Variants in CHID1 observed in about 807,000 individuals in gnomAD.
CHID1 encodes chitinase domain-containing protein 1.
Under a neutral mutation model 55.4 loss-of-function variants are expected in CHID1, and 44 were observed. The ratio of observed to expected loss-of-function variants is 0.79; its 90% CI spans 0.62 to 1.02. The LOEUF is 1.02. CHID1 is among the 50% of genes least tolerant of loss of function. CHID1 has a pLI of 0.00. For synonymous variants in CHID1, 216 were observed against 212.9 expected (o/e 1.01, Z -0.13); for missense variants, 491 against 515.3 (o/e 0.95, Z 0.46).
chr11:889,385 G>A (rs1850639873), intron 8 of CHID1, among the ~76,000 whole-genome samples: 4 of 152,146 alleles, frequency 2.6e-5, no homozygotes, highest in Admixed American at 2.0e-4. Context: ...CTGCATCACT[G>A]TAGTTGACGC....
At chr11:911,807 C>T (rs1463262763), upstream of CHID1, among the ~76,000 whole-genome samples, 2 of 152,220 alleles carry the variant, frequency 1.3e-5, no homozygotes, top group Non-Finnish European at 2.9e-5. Context: ...AGCACTCGCT[C>T]TCAGCAAACG....
intron 4 of CHID1, 31 bp downstream of exon 4, chr11:902,167 G>A (rs949982929): frequency 1.2e-6 from 2 of 1,612,142 alleles, no homozygotes; most frequent in South Asian, 2.2e-5. Context: ...AGCCTGTGGG[G>A]CAAGCACAGT....
intron 10 of CHID1, among the ~76,000 whole-genome samples, chr11:878,615 G>A (rs1849676145): frequency 6.6e-6 from 1 of 151,854 alleles, no homozygotes; most frequent in Admixed American, 6.6e-5. Context: ...CAGGTATTCT[G>A]TTATAAGCAA....
At chr11:912,637 G>A (rs917589396), upstream of CHID1, among the ~76,000 whole-genome samples, 1 of 152,186 alleles carries the variant, frequency 6.6e-6, no homozygotes, top group African/African-American at 2.4e-5. Flanking sequence ...AAGGTCAGGA[G>A]ATCGAGACCA....
intron 1 of CHID1, among the ~76,000 whole-genome samples, chr11:905,286 C>A (rs1368267845): frequency 6.6e-6 from 1 of 152,262 alleles, no homozygotes; most frequent in Admixed American, 6.5e-5. Context: ...CGCCTGTAAT[C>A]CCAACACTTT....
At chr11:906,283 C>T (rs888172605) in intron 1 of CHID1, among the ~76,000 whole-genome samples, 2 of 149,766 alleles carry the variant, frequency 1.3e-5, no homozygotes, top group African/African-American at 4.9e-5. Context: ...TATGTCACCA[C>T]ACTGGAGTGC....
intron 9 of CHID1, among the ~76,000 whole-genome samples, chr11:883,506 C>T (rs1280831637): frequency 6.6e-6 from 1 of 152,172 alleles, no homozygotes; most frequent in Non-Finnish European, 1.5e-5. Flanking sequence ...GCCAGGATCA[C>T]CCATCAGAAA....
At chr11:912,735 T>TTG (rs951007779), upstream of CHID1, among the ~76,000 whole-genome samples, 1 of 150,186 alleles carries the variant, frequency 6.7e-6, no homozygotes, top group African/African-American at 2.4e-5. Context: ...TCCCAGCTAC[T>TTG]TGGGAGGCTG....
In CHID1 at chr11:875,528, C is replaced by G. The variant is rs755218054; in HGVS notation, c.960-5029G>C. Among the ~76,000 whole-genome samples, 1 of 152,142 alleles carries G rather than the reference C, an allele frequency of 6.6e-6. No homozygotes were observed. Among genetic ancestry groups the G allele is most frequent in the African/African-American group, 2.4e-5 (1 of 41,422 alleles). On this transcript the variant is annotated intron_variant, in intron 10 of 12. Coordinates refer to ENST00000323578, the MANE Select transcript of CHID1 (RefSeq NM_023947.4). The surrounding 1 kb of genome is among the most constrained non-coding windows in gnomAD (Gnocchi z 4.7). ...CGGGTGTGGAGAAGACCTGGCTCCTCGTCACTGGCTATCGGAGAGCGCTGG... is the reference window on the plus strand; with the variant it reads ...CGGGTGTGGAGAAGACCTGGCTCCTGGTCACTGGCTATCGGAGAGCGCTGG...
upstream of CHID1, among the ~76,000 whole-genome samples, chr11:913,120 G>T (rs1360742673): frequency 6.6e-6 from 1 of 151,566 alleles, no homozygotes; most frequent in Non-Finnish European, 1.5e-5. Flanking sequence ...CAATGCTTTG[G>T]GAGGCCAAGG....
chr11:901,388 C>G (rs947926447), intron 4 of CHID1, among the ~76,000 whole-genome samples: 9 of 152,232 alleles, frequency 5.9e-5, no homozygotes, highest in African/African-American at 2.2e-4. Context: ...ACGGTTCTCT[C>G]AGTGTCAGGG....
chr11:897,691 T>A (rs10902228), intron 7 of CHID1, among the ~76,000 whole-genome samples: 17,843 of 152,154 alleles, frequency 0.12, 1,479 homozygotes, highest in Non-Finnish European at 0.17. Context: ...TTCACACAGC[T>A]CCTTGTCTTC....
In CHID1 at chr11:871,526, G is replaced by A. The variant is rs1476225638; in HGVS notation, c.960-1027C>T. ...TGCACATTTGGGACCAGGGCAGGTGGTTCCAGAAGCTTCTGGTCTCCACAG... is the reference window on the plus strand; with the variant it reads ...TGCACATTTGGGACCAGGGCAGGTGATTCCAGAAGCTTCTGGTCTCCACAG... On this transcript the variant is annotated intron_variant, in intron 10 of 12. Transcript: ENST00000323578. Among the ~76,000 whole-genome samples, 15 of 152,408 alleles carry A rather than the reference G, an allele frequency of 9.8e-5. 1 individual carries two copies. In the South Asian group the frequency reaches 2.9e-3, roughly 29 times the overall value.
chr11:906,277 T>C (rs1280638348), intron 1 of CHID1, among the ~76,000 whole-genome samples: 2 of 150,862 alleles, frequency 1.3e-5, no homozygotes, highest in Non-Finnish European at 3.0e-5. Context: ...TCTTGCTATG[T>C]CACCACACTG....
chr11:883,957 C>T (rs2134181301), intron 9 of CHID1, 111 bp downstream of exon 9: 2 of 854,514 alleles, frequency 2.3e-6, no homozygotes, highest in Non-Finnish European at 3.8e-6. Context: ...ACCTTGTGCA[C>T]AGAACCACAG....
Position 870,502 on chromosome 11 carries a change from G to C in CHID1, c.960-3C>G. 1 of 1,603,848 alleles carries C rather than the reference G, an allele frequency of 6.2e-7. No homozygotes were observed. Among genetic ancestry groups the C allele is most frequent in the Non-Finnish European group, 8.5e-7 (1 of 1,174,374 alleles). On this transcript the variant is annotated splice_polypyrimidine_tract_variant and splice_region_variant and intron_variant, in intron 10 of 12. Coordinates refer to ENST00000323578, the MANE Select transcript of CHID1 (RefSeq NM_023947.4). ...GGTCCTTCAGTGTCTGGATGTACCT[G>C]GGGAGACCAGGATATGGATTTGGGA...
intron 9 of CHID1, among the ~76,000 whole-genome samples, 165 bp from the exon 10 acceptor site, chr11:883,468 C>T (rs1005343388): frequency 6.6e-5 from 10 of 152,142 alleles, no homozygotes; most frequent in South Asian, 6.2e-4. Context: ...GTCAGCAGAG[C>T]GGGCCCATGA....
chr11:873,639 C>G (rs548616222), intron 10 of CHID1, among the ~76,000 whole-genome samples: 1 of 152,058 alleles, frequency 6.6e-6, no homozygotes, highest in Non-Finnish European at 1.5e-5. Context: ...ACGGACAGCT[C>G]GGCCTCACAG....
At chr11:905,821 GA>G (rs1235262612) in intron 1 of CHID1, among the ~76,000 whole-genome samples, 7 of 152,164 alleles carry the variant, frequency 4.6e-5, no homozygotes, top group African/African-American at 1.7e-4. Flanking sequence ...TGAGCAATGG[GA>G]GAGATTAGGA....
Sources: gnomAD v4.1 joint callset for allele counts (sites outside exome capture counted in the v4.1 genomes callset) on GRCh38, gnomAD v4.1.1 for gene constraint, Gnocchi (gnomAD v3.1) non-coding constraint, MANE v1.5 for transcripts, NCBI Gene and HGNC (gene_info 2026-07-23, HGNC 2026-07-21) for gene names.